CNBD1: variants seen among roughly 807,000 people sequenced by gnomAD.
CNBD1 encodes the protein cyclic nucleotide binding domain containing 1, also known as cyclic nucleotide-binding domain-containing protein 1.
A neutral mutation model predicts 54.4 loss-of-function variants in CNBD1; 71 were observed. The ratio of observed to expected loss-of-function variants is 1.30; its 90% CI spans 1.08 to 1.59. The LOEUF is 1.59. Ranked by LOEUF, CNBD1 falls within the 40% of genes most tolerant of loss-of-function variation. CNBD1 has a pLI of 0.00. For missense variants in CNBD1, 659 were observed against 518.0 expected (o/e 1.27, Z -2.64); for synonymous variants, 182 against 170.7 (o/e 1.07, Z -0.51).
chr8:87,379,360 T>G (rs1224060424), intron 10 of CNBD1, among the ~76,000 whole-genome samples: 2 of 151,950 alleles, frequency 1.3e-5, no homozygotes, highest in East Asian at 3.9e-4. Context: ...GGAATTGAAC[T>G]CAGCTCTGCA....
intron 4 of CNBD1, among the ~76,000 whole-genome samples, chr8:87,095,545 C>T (rs139421709): frequency 2.6e-5 from 4 of 152,298 alleles, no homozygotes; most frequent in Admixed American, 6.5e-5. Flanking sequence ...TATGTGTCTA[C>T]GTCCTCTTTT....
chr8:86,901,043 T>G (rs1003101536), intron 2 of CNBD1, among the ~76,000 whole-genome samples: 59 of 152,264 alleles, frequency 3.9e-4, no homozygotes, highest in African/African-American at 1.4e-3. Flanking sequence ...TCCAAAAAAT[T>G]TTTAAATAAG....
intron 8 of CNBD1, among the ~76,000 whole-genome samples, chr8:87,339,485 T>C (rs778149163): frequency 1.3e-5 from 2 of 151,512 alleles, no homozygotes; most frequent in African/African-American, 2.4e-5. Flanking sequence ...GTTTTCTCTG[T>C]GACCTCACTT....
chr8:87,352,945 C>T (rs569152968), intron 9 of CNBD1, among the ~76,000 whole-genome samples: 1 of 152,272 alleles, frequency 6.6e-6, no homozygotes, highest in East Asian at 1.9e-4. Context: ...GTTCTTGCCA[C>T]TTTCCTACCT....
intron 8 of CNBD1, among the ~76,000 whole-genome samples, chr8:87,315,576 G>A (rs973977916): frequency 6.6e-6 from 1 of 151,850 alleles, no homozygotes; most frequent in Admixed American, 6.6e-5. Flanking sequence ...AGCAGAGTGA[G>A]AACTCACGCC....
chr8:87,263,018 C>T (rs1348812323), intron 6 of CNBD1, among the ~76,000 whole-genome samples: 2 of 152,098 alleles, frequency 1.3e-5, no homozygotes, highest in East Asian at 3.9e-4. Flanking sequence ...GTTGGAGCAG[C>T]AGACCCAGAT....
At chr8:87,143,442 G>A (rs1229375420) in intron 4 of CNBD1, among the ~76,000 whole-genome samples, 2 of 152,228 alleles carry the variant, frequency 1.3e-5, no homozygotes, top group Admixed American at 6.5e-5. Flanking sequence ...TGTAGTGTTT[G>A]TTATTAAACA....
intron 6 of CNBD1, among the ~76,000 whole-genome samples, chr8:87,259,534 T>C (rs759861585): frequency 6.6e-6 from 1 of 152,242 alleles, no homozygotes; most frequent in Non-Finnish European, 1.5e-5. Context: ...TTACTGTTTT[T>C]ATTTCACTTT....
chr8:87,423,756 GC>G (rs1290231485), intron 2 of CNBD1, among the ~76,000 whole-genome samples: 15 of 151,806 alleles, frequency 9.9e-5, no homozygotes, highest in African/African-American at 3.4e-4. Flanking sequence ...TTGTGTCTCT[GC>G]CCGGCTTTTG....
chr8:86,954,888 G>A (rs1377980431), intron 4 of CNBD1, among the ~76,000 whole-genome samples: 1 of 152,042 alleles, frequency 6.6e-6, no homozygotes, highest in African/African-American at 2.4e-5. Context: ...CAACGTGCAG[G>A]TTTGTTACAT....
At chr8:87,217,880 G>T (rs1278435959) in intron 5 of CNBD1, among the ~76,000 whole-genome samples, 1 of 152,002 alleles carries the variant, frequency 6.6e-6, no homozygotes, top group Non-Finnish European at 1.5e-5. Flanking sequence ...TTGAGAATTG[G>T]TATTTAAACA....
At chr8:87,242,339 T>G (rs1807725034) in intron 6 of CNBD1, among the ~76,000 whole-genome samples, 1 of 152,160 alleles carries the variant, frequency 6.6e-6, no homozygotes, top group Admixed American at 6.5e-5. Flanking sequence ...TGGCACCTTT[T>G]TAAGTCTGAT....
intron 8 of CNBD1, among the ~76,000 whole-genome samples, chr8:87,312,256 C>T (rs757367298): frequency 3.3e-5 from 5 of 152,020 alleles, no homozygotes; most frequent in Non-Finnish European, 7.4e-5. Flanking sequence ...CAAAATGATT[C>T]CTTGTTGCAA....
intron 8 of CNBD1, among the ~76,000 whole-genome samples, chr8:87,290,579 G>A (rs917043382): frequency 1.3e-5 from 2 of 152,004 alleles, no homozygotes; most frequent in African/African-American, 2.4e-5. Flanking sequence ...TTTTCATGTG[G>A]ATTCAAATTA....
At chr8:86,935,371 A>G (rs1396344985) in intron 3 of CNBD1, among the ~76,000 whole-genome samples, 3 of 152,134 alleles carry the variant, frequency 2.0e-5, no homozygotes, top group Non-Finnish European at 4.4e-5. Context: ...GAATTCACCA[A>G]TAGGACCATT....
chr8:87,068,190 A>C (rs756817630), intron 4 of CNBD1, among the ~76,000 whole-genome samples: 11 of 152,062 alleles, frequency 7.2e-5, no homozygotes, highest in Non-Finnish European at 1.5e-4. Flanking sequence ...GTGCTTGTAG[A>C]TGAATGTTAT....
At chr8:86,999,770 T>A (rs942328637) in intron 4 of CNBD1, among the ~76,000 whole-genome samples, 8 of 152,158 alleles carry the variant, frequency 5.3e-5, no homozygotes, top group Non-Finnish European at 7.4e-5. Context: ...AATTGGATAT[T>A]TCTTTCCTTT....
intron 4 of CNBD1, among the ~76,000 whole-genome samples, chr8:87,042,051 G>A (rs750696453): frequency 2.6e-5 from 4 of 152,180 alleles, no homozygotes; most frequent in Non-Finnish European, 5.9e-5. Flanking sequence ...TGGGTGGAGA[G>A]GATTTGCTAA....
At chr8:87,393,945 G>A (rs192784315) in intron 2 of CNBD1, among the ~76,000 whole-genome samples, 11 of 151,970 alleles carry the variant, frequency 7.2e-5, no homozygotes, top group Admixed American at 5.9e-4. Context: ...CCAAAGGCCA[G>A]TATCCCAAGA....
Sources: gnomAD v4.1 joint callset for allele counts (sites outside exome capture counted in the v4.1 genomes callset) on GRCh38, gnomAD v4.1.1 for gene constraint, MANE v1.5 for transcripts, NCBI Gene and HGNC (gene_info 2026-07-23, HGNC 2026-07-21) for gene names.